Variants in WNK2 observed in about 807,000 individuals in gnomAD.
The protein encoded by WNK2 is serine/threonine-protein kinase WNK2.
A neutral mutation model predicts 192.1 loss-of-function variants in WNK2; 67 were observed. That is an observed-to-expected ratio of 0.35 (90% CI 0.29 to 0.43). WNK2 has a LOEUF of 0.43. Among genes scored for constraint, WNK2 ranks in the 20% least tolerant of loss-of-function variants. WNK2 has a pLI of 1.00. For missense variants in WNK2, 2,698 were observed against 3,089.7 expected (o/e 0.87, Z 3.01); for synonymous variants, 1,439 against 1,393.9 (o/e 1.03, Z -0.72).
chr9:93,256,991 C>T lies in WNK2; in HGVS notation c.2234C>T (p.Ala745Val), dbSNP rs776801664. 1.3e-6 allele frequency: 2 copies of T among 1,596,142 alleles called. No homozygotes were observed. The highest frequency in any genetic ancestry group is 1.7e-5 in the Admixed American group (1 of 58,774). The stretch of plus-strand genomic sequence containing the variant: ...CCGACACCCCTGCCGCAGGTCCTGG[C>T]CCCACAGCCCGTGGTCCCCCTCCAG... Reference protein sequence around the residue: ...AQPTPLPQVLAPQPVVPLQPV... With the variant: ...AQPTPLPQVLVPQPVVPLQPV... Residue 745 changes from alanine to valine, a missense_variant, in exon 11 of 30, where the codon GCC becomes GTC. Physicochemically the swap from Ala to Val is moderately conservative, Grantham distance 64. Transcript: ENST00000427277.
At position 93,313,791 on chromosome 9, in the gene WNK2, G is replaced by T. The variant is rs150035135; in HGVS notation, c.6517-3729G>T. ...ATATATCTTTTGTCATATACAAGGG[G>T]GCTTCCAAAAGTTCACAGAAAAATG... On this transcript the variant is annotated intron_variant, in intron 28 of 29. Transcript: ENST00000427277. Among the ~76,000 whole-genome samples, 701 of 152,074 alleles carry T rather than the reference G, an allele frequency of 4.6e-3. 2 individuals are homozygous for T. Among genetic ancestry groups the T allele is most frequent in the Non-Finnish European group, 8.3e-3 (562 of 68,014 alleles).
chr9:93,251,222 T>A (rs1354471384), intron 8 of WNK2, among the ~76,000 whole-genome samples: 1 of 152,156 alleles, frequency 6.6e-6, no homozygotes, highest in African/African-American at 2.4e-5. Context: ...TTCAAGCTAT[T>A]CTCCTGCCTC....
chr9:93,202,488 G>C (rs763321818), intron 2 of WNK2, among the ~76,000 whole-genome samples: 24 of 152,158 alleles, frequency 1.6e-4, no homozygotes, highest in Non-Finnish European at 2.6e-4. Flanking sequence ...CGGTCAGCCC[G>C]GCCCTACCAG....
At chr9:93,238,936 C>T (rs1439935282) in intron 6 of WNK2, among the ~76,000 whole-genome samples, 1 of 152,150 alleles carries the variant, frequency 6.6e-6, no homozygotes, top group Non-Finnish European at 1.5e-5. Context: ...CACCATCTGA[C>T]GTGACACCCC....
At chr9:93,211,113 CTCACTCATCCCCTCACTTACTCAT>C (rs1834443938) in intron 2 of WNK2, among the ~76,000 whole-genome samples, 1 of 151,908 alleles carries the variant, frequency 6.6e-6, no homozygotes, top group African/African-American at 2.4e-5. Context: ...CATCCACTCA[CTCACTCATCCCCTCACTTACTCAT>C]CCACTCACTT....
intron 19 of WNK2, among the ~76,000 whole-genome samples, chr9:93,285,237 T>G (rs928853727): frequency 1.1e-4 from 17 of 152,312 alleles, no homozygotes; most frequent in Non-Finnish European, 2.5e-4. Flanking sequence ...CACTATAATT[T>G]TATCATTTTG....
intron 9 of WNK2, among the ~76,000 whole-genome samples, chr9:93,254,063 C>T (rs559009045): frequency 2.4e-4 from 36 of 152,294 alleles, no homozygotes; most frequent in African/African-American, 7.9e-4. Flanking sequence ...ATTATAGGCA[C>T]GCGCCACCAC....
chr9:93,228,407 C>A (rs1032191919), intron 2 of WNK2, among the ~76,000 whole-genome samples: 5 of 152,138 alleles, frequency 3.3e-5, no homozygotes, highest in African/African-American at 1.2e-4. Flanking sequence ...TCACTCTGAT[C>A]TCTCCCCTTA....
chr9:93,309,742 C>T (rs1282390274), intron 28 of WNK2, among the ~76,000 whole-genome samples: 3 of 152,028 alleles, frequency 2.0e-5, no homozygotes, highest in Non-Finnish European at 4.4e-5. Context: ...TTATTTCTTG[C>T]CTTCTATCTT....
At chr9:93,270,165 A>G (rs1222588148) in intron 19 of WNK2, among the ~76,000 whole-genome samples, 3 of 152,220 alleles carry the variant, frequency 2.0e-5, no homozygotes, top group Admixed American at 2.0e-4. Flanking sequence ...TGGAGAAGGA[A>G]GGACTAGCTG....
At chr9:93,308,773 C>T in intron 28 of WNK2, 189 bp downstream of exon 28, 1 of 1,423,026 alleles carries the variant, frequency 7.0e-7, no homozygotes, top group Non-Finnish European at 9.2e-7. Context: ...GCGACGCACC[C>T]ACAGCTCCGC....
chr9:93,232,310 G>T (rs1402576316), intron 4 of WNK2, among the ~76,000 whole-genome samples: 1 of 152,182 alleles, frequency 6.6e-6, no homozygotes, highest in African/African-American at 2.4e-5. Context: ...CTGGCATTCT[G>T]GGGGAGCTGA....
chr9:93,195,414 A>G (rs1160581442), intron 2 of WNK2, among the ~76,000 whole-genome samples: 1 of 152,162 alleles, frequency 6.6e-6, no homozygotes, highest in Non-Finnish European at 1.5e-5. Flanking sequence ...GTTTGCAGAA[A>G]TGGGCCAGGC....
At chr9:93,279,238 C>A (rs1291914888) in intron 19 of WNK2, among the ~76,000 whole-genome samples, 3 of 152,166 alleles carry the variant, frequency 2.0e-5, no homozygotes, top group Admixed American at 1.3e-4. Flanking sequence ...CCCAACACAA[C>A]TAGAATCAAT....
Position 93,243,177 on chromosome 9 carries a change from G to A in WNK2, c.1542+3201G>A, listed in dbSNP as rs545952179. 3.8e-3 allele frequency among the ~76,000 whole-genome samples: 583 copies of A among 152,292 alleles called. 3 individuals carry two copies. Among genetic ancestry groups the A allele is most frequent in the African/African-American group, 0.014 (563 of 41,568 alleles). On this transcript the variant is annotated intron_variant, in intron 7 of 29. Transcript: ENST00000427277. ...TTGCCTGTCTTGGGTTCTGTCCTAA[G>A]GTGGCAAAGCCCAGAACCTGCCCTG... is the stretch of plus-strand genomic sequence containing the variant.
chr9:93,318,440 C>G, intron 29 of WNK2: 2 of 1,614,118 alleles, frequency 1.2e-6, no homozygotes, highest in Non-Finnish European at 1.7e-6. Flanking sequence ...GGGCAGGGCA[C>G]ACTGGCGGAG....
At chr9:93,303,111 G>C (rs1332585496) in intron 26 of WNK2, among the ~76,000 whole-genome samples, 4 of 152,102 alleles carry the variant, frequency 2.6e-5, no homozygotes, top group Admixed American at 2.6e-4. Flanking sequence ...GTAGAGACAG[G>C]GTCTCACCAT....
chr9:93,193,804 T>A (rs768727818), intron 2 of WNK2, among the ~76,000 whole-genome samples: 4 of 152,246 alleles, frequency 2.6e-5, no homozygotes, highest in Non-Finnish European at 5.9e-5. Flanking sequence ...AATACTTGAT[T>A]ACGACTTCTT....
chr9:93,234,147 A>G (rs1444698683), intron 4 of WNK2, among the ~76,000 whole-genome samples: 1 of 152,176 alleles, frequency 6.6e-6, no homozygotes, highest in African/African-American at 2.4e-5. Context: ...TGTCCTTAAA[A>G]ATTCAGTGAA....
Sources: allele counts gnomAD v4.1 joint callset (sites outside exome capture counted in the v4.1 genomes callset), GRCh38; gene constraint gnomAD v4.1.1; transcripts MANE v1.5; gene names NCBI Gene and HGNC (gene_info 2026-07-23, HGNC 2026-07-21).